The following ESR1 variants were observed in gnomAD, a reference collection of about 807,000 sequenced individuals.
ESR1 encodes the protein estrogen receptor 1.
In ESR1, 12 loss-of-function variants were observed where a neutral mutation model predicts 52.7. That is an observed-to-expected ratio of 0.23 (90% confidence interval 0.15 to 0.37). ESR1 has a LOEUF of 0.37. ESR1 is among the 10% of genes least tolerant of loss of function. The pLI, the probability that ESR1 is intolerant of heterozygous loss-of-function variation, is 1.00. For missense variants in ESR1, 584 were observed against 779.7 expected, an observed-to-expected ratio of 0.75 and a Z score of 2.99; for synonymous variants, 305 against 316.8, an observed-to-expected ratio of 0.96 and a Z score of 0.39.
intron 2 of ESR1, 135 bp downstream of exon 2, chr6:151,842,922 T>G (rs773347377): frequency 2.7e-6 from 2 of 728,808 alleles, no homozygotes; most frequent in Non-Finnish European, 4.7e-6. Context: ...ACTAGTATCT[T>G]TGGTAGAAAC....
intron 5 of ESR1, among the ~76,000 whole-genome samples, chr6:152,034,511 T>A (rs894550474): frequency 6.7e-6 from 1 of 148,682 alleles, no homozygotes; most frequent in African/African-American, 2.5e-5. Flanking sequence ...TCCTTATAAT[T>A]AAGTCTATGT....
At chr6:151,728,104 A>G (rs1781975912) in intron 2 of ESR1, among the ~76,000 whole-genome samples, 1 of 152,120 alleles carries the variant, frequency 6.6e-6, no homozygotes, top group Non-Finnish European at 1.5e-5. Flanking sequence ...TTTGTGTTTA[A>G]AAGCTTGGGC....
intron 2 of ESR1, among the ~76,000 whole-genome samples, chr6:151,748,056 A>C (rs192913716): frequency 5.9e-5 from 9 of 152,344 alleles, no homozygotes; most frequent in Admixed American, 2.0e-4. Context: ...AGGAACTGCC[A>C]AATGGCTGTA....
intron 2 of ESR1, among the ~76,000 whole-genome samples, chr6:151,773,388 TA>T (rs1785677898): frequency 6.6e-6 from 1 of 152,250 alleles, no homozygotes; most frequent in Admixed American, 6.5e-5. Context: ...TTTTGATGTT[TA>T]AGCCACCCAC....
chr6:152,076,495 C>A (rs990056133), intron 6 of ESR1, among the ~76,000 whole-genome samples: 3 of 152,036 alleles, frequency 2.0e-5, no homozygotes, highest in African/African-American at 7.2e-5. Flanking sequence ...GAAAAGATAG[C>A]CGAAAATGTG....
At chr6:151,796,987 C>T (rs1247641482) in intron 2 of ESR1, among the ~76,000 whole-genome samples, 1 of 152,232 alleles carries the variant, frequency 6.6e-6, no homozygotes, top group Non-Finnish European at 1.5e-5. Context: ...CAAGAGTATA[C>T]ACAATGCTAC....
chr6:152,022,506 G>A lies in ESR1; in HGVS notation c.1235+10712G>A, dbSNP rs142479806. On this transcript the variant is annotated intron_variant, in intron 5 of 7. Transcript: ENST00000206249. ...GCTAAAAGTGTGGAACGAATGTGAT[G>A]ACTAGACAAGATAATAGAGAAAAGG... Among the ~76,000 whole-genome samples, 935 of 152,256 alleles carry A rather than the reference G, an allele frequency of 6.1e-3. 6 individuals are homozygous for A. Among genetic ancestry groups the A allele is most frequent in the African/African-American group, 9.4e-3 (389 of 41,546 alleles).
chr6:152,116,740 TTATATC>T (rs2051215049), intron 6 of ESR1, among the ~76,000 whole-genome samples: 2 of 151,402 alleles, frequency 1.3e-5, no homozygotes, highest in African/African-American at 2.4e-5. Context: ...TTTGTATTAT[TTATATC>T]TATTTTATTT....
rs2035470527 is a variant in ESR1, at chr6:151,944,484, A to T, written c.1072A>T (p.Ile358Phe). ...NLADRELVHMINWAKRVPGFV... is the reference protein window; with the variant it reads ...NLADRELVHMFNWAKRVPGFV... ...GGCAGACAGGGAGCTGGTTCACATG[A>T]TCAACTGGGCGAAGAGGGTGCCAGG... The change falls in exon 4 of 8, where the codon ATC becomes TTC. Residue 358 changes from isoleucine to phenylalanine, a missense_variant. Physicochemically the swap from Ile to Phe is conservative, Grantham distance 21. Transcript: ENST00000206249. 1 of 1,614,218 alleles carries T rather than the reference A, an allele frequency of 6.2e-7. No individual in the cohort carries two copies. Among genetic ancestry groups the T allele is most frequent in the Non-Finnish European group, 8.5e-7 (1 of 1,180,038 alleles).
intron 6 of ESR1, chr6:152,112,993 T>C (rs2051163741): frequency 6.6e-6 from 1 of 152,330 alleles, no homozygotes; most frequent in East Asian, 1.9e-4. Context: ...GGCAGTCAGA[T>C]GGAGGTGGGG....
In ESR1 at chr6:151,751,168, G is replaced by A. The variant is rs79618452; in HGVS notation, c.-71+49163G>A. On this transcript the variant is annotated intron_variant, in intron 2 of 2. Coordinates refer to the ESR1 transcript ENST00000404742. ...TCCTAGACAAATTTGCCTAAAATGG[G>A]TGATATTAACTTCTTTAGGGAAAGG... Among the ~76,000 whole-genome samples, 722 of 152,266 alleles carry A rather than the reference G, an allele frequency of 4.7e-3. 7 individuals are homozygous for A. Among genetic ancestry groups the A allele is most frequent in the African/African-American group, 0.017 (689 of 41,560 alleles).
At chr6:151,878,692 T>C (rs1792268207) in intron 2 of ESR1, among the ~76,000 whole-genome samples, 1 of 152,160 alleles carries the variant, frequency 6.6e-6, no homozygotes, top group Admixed American at 6.5e-5. Context: ...ATATTCAGTT[T>C]TGGGGTGGGA....
chr6:151,873,037 A>G (rs1791235350), intron 2 of ESR1, among the ~76,000 whole-genome samples: 1 of 152,208 alleles, frequency 6.6e-6, no homozygotes, highest in African/African-American at 2.4e-5. Flanking sequence ...TTTCCTATAC[A>G]TGAGCTTCCT....
intron 2 of ESR1, among the ~76,000 whole-genome samples, chr6:151,778,180 T>C (rs909372582): frequency 6.6e-6 from 1 of 152,066 alleles, no homozygotes; most frequent in Non-Finnish European, 1.5e-5. Flanking sequence ...TTCACTTATA[T>C]AAACTACCTA....
chr6:151,810,556 T>C (rs1480364512), intron 1 of ESR1, among the ~76,000 whole-genome samples: 1 of 152,196 alleles, frequency 6.6e-6, no homozygotes, highest in African/African-American at 2.4e-5. Context: ...CTTAAGTAGT[T>C]CTCAAAAGTT....
intron 4 of ESR1, among the ~76,000 whole-genome samples, chr6:151,999,592 G>T (rs1257754366): frequency 6.6e-6 from 1 of 152,104 alleles, no homozygotes; most frequent in Non-Finnish European, 1.5e-5. Flanking sequence ...TATCTTGTTT[G>T]CCATGTAGGA....
intron 1 of ESR1, among the ~76,000 whole-genome samples, chr6:151,840,172 T>C (rs906636274): frequency 2.0e-5 from 3 of 152,186 alleles, no homozygotes; most frequent in Non-Finnish European, 1.5e-5. Flanking sequence ...AATCTATCAA[T>C]TTCATGCTTG....
intron 4 of ESR1, among the ~76,000 whole-genome samples, chr6:151,999,796 G>T (rs981673225): frequency 2.0e-5 from 3 of 152,016 alleles, no homozygotes; most frequent in African/African-American, 7.2e-5. Context: ...AAATACCCAG[G>T]CATTTTTAAG....
At chr6:152,024,057 A>G (rs532541285) in intron 5 of ESR1, among the ~76,000 whole-genome samples, 1 of 152,134 alleles carries the variant, frequency 6.6e-6, no homozygotes, top group Non-Finnish European at 1.5e-5. Context: ...TTCTCTTCAT[A>G]TACAGTATGC....
Sources: allele counts gnomAD v4.1 joint callset (sites outside exome capture counted in the v4.1 genomes callset), GRCh38; gene constraint gnomAD v4.1.1; transcripts MANE v1.5; gene names NCBI Gene and HGNC (gene_info 2026-07-23, HGNC 2026-07-21).